Variants in CLIC5 observed in about 807,000 individuals in gnomAD.
CLIC5 encodes chloride intracellular channel protein 5.
A neutral mutation model predicts 24.7 loss-of-function variants in CLIC5; 20 were observed. That is an observed-to-expected ratio of 0.81 (90% CI 0.57 to 1.18). The LOEUF (loss-of-function observed/expected upper bound fraction) is 1.18, where lower values mean the gene tolerates loss of function less well. CLIC5 is among the 50% of genes most tolerant of loss of function. The probability of loss-of-function intolerance (pLI) is 0.00; values close to 1 mark genes in which losing one functional copy is unlikely to be tolerated. For missense variants in CLIC5, 341 were observed against 326.1 expected (o/e 1.05, Z -0.35); for synonymous variants, 159 against 135.6 (o/e 1.17, Z -1.20).
the CLIC5 span, among the ~76,000 whole-genome samples, chr6:46,087,642 C>G: frequency 3.3e-5 from 5 of 152,232 alleles, no homozygotes; most frequent in African/African-American, 1.2e-4. Flanking sequence ...ACCAAATCCT[C>G]CTTGTCTGAC....
chr6:46,033,791 G>C (rs979242419), intron 1 of CLIC5, among the ~76,000 whole-genome samples: 5 of 152,174 alleles, frequency 3.3e-5, no homozygotes, highest in Admixed American at 2.6e-4. Flanking sequence ...CTCCTGTGCT[G>C]ACTTGACTGA....
At chr6:45,930,621 GGCAGC>G (rs1396765565) in intron 4 of CLIC5, among the ~76,000 whole-genome samples, 2 of 152,116 alleles carry the variant, frequency 1.3e-5, no homozygotes, top group African/African-American at 4.8e-5. Flanking sequence ...GCCAGAAGAG[GGCAGC>G]ACATGCTTCC....
the CLIC5 span, among the ~76,000 whole-genome samples, chr6:46,089,718 A>G: frequency 6.6e-6 from 1 of 152,186 alleles, no homozygotes; most frequent in African/African-American, 2.4e-5. Context: ...AGCCACATCA[A>G]CTTTCTTATG....
intron 5 of CLIC5, among the ~76,000 whole-genome samples, chr6:45,910,247 AT>A (rs1159486887): frequency 1.3e-5 from 2 of 152,124 alleles, no homozygotes; most frequent in Admixed American, 1.3e-4. Flanking sequence ...AATAACAAAC[AT>A]TTATTCACTG....
chr6:45,923,718 C>T (rs889882655), intron 4 of CLIC5, among the ~76,000 whole-genome samples: 3 of 152,280 alleles, frequency 2.0e-5, no homozygotes, highest in East Asian at 3.9e-4. Flanking sequence ...GAGTATTCAT[C>T]GGATCGTGAA....
At position 45,899,234 on chromosome 6, in the gene CLIC5, C is replaced by A. The variant is rs546506435; in HGVS notation, c.*3854G>T. Reference sequence around the variant, plus strand: ...CTAACATCAGAATCAGGGTGCTTCACATGCACATGTCTTTCTCTGATGCTT... The same window carrying A: ...CTAACATCAGAATCAGGGTGCTTCAAATGCACATGTCTTTCTCTGATGCTT... On this transcript the variant is annotated 3_prime_UTR_variant, in exon 6 of 6. Transcript: ENST00000339561. The A allele has an allele frequency of 2.6e-5, 4 of 152,344 alleles. No individual in the cohort carries two copies. Among genetic ancestry groups the A allele is most frequent in the African/African-American group, 7.2e-5 (3 of 41,574 alleles). 9.4% of individuals were successfully genotyped at this position (152,344 alleles called of 1,614,324 possible).
upstream of CLIC5, among the ~76,000 whole-genome samples, chr6:46,018,059 T>A (rs1024119231): frequency 1.3e-5 from 2 of 152,160 alleles, no homozygotes; most frequent in Admixed American, 1.3e-4. Flanking sequence ...TCTGCACCAA[T>A]GACTACATAC....
chr6:46,006,127 C>CATATATATATATATATATATATATATAT (rs58643121), intron 1 of CLIC5, among the ~76,000 whole-genome samples: 1 of 35,178 alleles, frequency 2.8e-5, no homozygotes, highest in Non-Finnish European at 4.5e-5. Flanking sequence ...TGTATAAATA[C>CATATATATATATATATATATATATATAT]ATATATATAT....
At chr6:45,927,736 A>T (rs1224087635) in intron 4 of CLIC5, among the ~76,000 whole-genome samples, 1 of 152,150 alleles carries the variant, frequency 6.6e-6, no homozygotes, top group East Asian at 1.9e-4. Flanking sequence ...CACATCTCTA[A>T]AAGTTTACTG....
upstream of CLIC5, among the ~76,000 whole-genome samples, chr6:46,019,081 G>C (rs557120787): frequency 3.1e-5 from 4 of 130,668 alleles, no homozygotes; most frequent in South Asian, 9.7e-4. Context: ...CAAAAGTATA[G>C]TAAAAAAAAA....
At chr6:46,006,050 A>G (rs1766553296) in intron 1 of CLIC5, among the ~76,000 whole-genome samples, 1 of 135,906 alleles carries the variant, frequency 7.4e-6, no homozygotes, top group Admixed American at 7.4e-5. Flanking sequence ...ATGTATAAAT[A>G]TATATATACA....
At chr6:46,128,573 A>G in the CLIC5 span, among the ~76,000 whole-genome samples, 1 of 152,118 alleles carries the variant, frequency 6.6e-6, no homozygotes, top group Non-Finnish European at 1.5e-5. Context: ...TGTGCTGAAT[A>G]CTCTACTCGC....
At chr6:45,908,721 G>C (rs1160548111) in intron 5 of CLIC5, among the ~76,000 whole-genome samples, 4 of 152,154 alleles carry the variant, frequency 2.6e-5, no homozygotes, top group Admixed American at 2.6e-4. Context: ...TATGTTCTGT[G>C]TGCAGATGAA....
chr6:45,927,133 A>C (rs1471937188), intron 4 of CLIC5, among the ~76,000 whole-genome samples: 3 of 151,886 alleles, frequency 2.0e-5, no homozygotes, highest in Non-Finnish European at 2.9e-5. Flanking sequence ...AGGCATAGAC[A>C]AGGTAGAGGT....
chr6:46,113,552 C>T, the CLIC5 span, among the ~76,000 whole-genome samples: 10 of 152,226 alleles, frequency 6.6e-5, no homozygotes, highest in Admixed American at 3.9e-4. Flanking sequence ...TATATGACAC[C>T]GGCCAGCAGG....
chr6:45,950,158 G>A (rs541151304), intron 2 of CLIC5, among the ~76,000 whole-genome samples: 7 of 152,346 alleles, frequency 4.6e-5, no homozygotes, highest in African/African-American at 1.7e-4. Flanking sequence ...GAAGATACCT[G>A]AGAGAAAGCC....
intron 1 of CLIC5, among the ~76,000 whole-genome samples, chr6:46,073,007 A>G (rs184098790): frequency 6.6e-6 from 1 of 152,224 alleles, no homozygotes; most frequent in South Asian, 2.1e-4. Context: ...GGACAGCCCA[A>G]TGTACTAGCT....
chr6:45,979,951 CTTTTTTTT>C (rs3997321), intron 1 of CLIC5, among the ~76,000 whole-genome samples: 1 of 95,058 alleles, frequency 1.1e-5, no homozygotes, highest in African/African-American at 4.1e-5. Context: ...GACTTAGTCA[CTTTTTTTT>C]TTTTTTTTTT....
At chr6:46,049,159 C>T (rs1166356222) in intron 1 of CLIC5, among the ~76,000 whole-genome samples, 1 of 152,142 alleles carries the variant, frequency 6.6e-6, no homozygotes, top group African/African-American at 2.4e-5. Flanking sequence ...AGGGGCTGCT[C>T]CACAGGAAAA....
Sources: allele counts gnomAD v4.1 joint callset (sites outside exome capture counted in the v4.1 genomes callset), GRCh38; gene constraint gnomAD v4.1.1; transcripts MANE v1.5; gene names NCBI Gene and HGNC (gene_info 2026-07-23, HGNC 2026-07-21).